Variants in ABR observed in about 807,000 individuals in gnomAD.
The protein encoded by ABR is active breakpoint cluster region-related protein.
Under a neutral mutation model 107.2 loss-of-function variants are expected in ABR, and 35 were observed. The observed-to-expected ratio is 0.33, with a 90% CI of 0.25 to 0.43. The LOEUF (loss-of-function observed/expected upper bound fraction) is 0.43. Among genes scored for constraint, ABR ranks in the 20% least tolerant of loss-of-function variants. The pLI, the probability that ABR is intolerant of heterozygous loss-of-function variation, is 1.00. For synonymous variants in ABR, 498 were observed against 462.0 expected, an observed-to-expected ratio of 1.08 and a Z score of -1.00; for missense variants, 815 against 1,115.2, an observed-to-expected ratio of 0.73 and a Z score of 3.83.
intron 5 of ABR, 110 bp downstream of exon 5, chr17:1,083,410 A>C: frequency 1.5e-6 from 1 of 687,004 alleles, no homozygotes; most frequent in Non-Finnish European, 2.5e-6. Context: ...AGTGTTACCC[A>C]TTAGAGTAAC....
intron 9 of ABR, 130 bp from the exon 10 acceptor site, chr17:1,067,372 T>C: frequency 3.4e-6 from 3 of 876,112 alleles, no homozygotes; most frequent in African/African-American, 1.7e-5. Context: ...GAACGATCCC[T>C]GCTCCTGAGG....
At chr17:1,229,710 C>T (rs1054971282) in exon 1 of ABR, among the ~76,000 whole-genome samples, 5 of 152,084 alleles carry the variant, frequency 3.3e-5, no homozygotes, top group Non-Finnish European at 5.9e-5. Flanking sequence ...CCCTTCCGCC[C>T]TCGCGCCTCC....
At chr17:1,137,789 G>T (rs2040140039) in intron 1 of ABR, among the ~76,000 whole-genome samples, 1 of 151,958 alleles carries the variant, frequency 6.6e-6, no homozygotes, top group Non-Finnish European at 1.5e-5. Flanking sequence ...GTGCCGTAAA[G>T]CAAGGTACGC....
chr17:1,113,277 G>GTT (rs1416563541), intron 2 of ABR, among the ~76,000 whole-genome samples: 3 of 88,206 alleles, frequency 3.4e-5, no homozygotes, highest in African/African-American at 1.0e-4. Flanking sequence ...CACCTATTGC[G>GTT]ATTTTTTTTT....
At chr17:1,178,035 G>A (rs1167648806) in intron 1 of ABR, 1 of 152,394 alleles carries the variant, frequency 6.6e-6, no homozygotes, top group Non-Finnish European at 1.5e-5. Flanking sequence ...AACCAAAGCA[G>A]AATGAACCAT....
intron 1 of ABR, among the ~76,000 whole-genome samples, chr17:1,225,137 A>C (rs1266317322): frequency 7.0e-6 from 1 of 142,196 alleles, no homozygotes; most frequent in African/African-American, 2.7e-5. Context: ...CAACACCGTG[A>C]GACTCCATCT....
At chr17:1,215,251 C>A (rs1409479289) in intron 1 of ABR, among the ~76,000 whole-genome samples, 1 of 151,764 alleles carries the variant, frequency 6.6e-6, no homozygotes, top group Non-Finnish European at 1.5e-5. Flanking sequence ...AAGAGCTCTC[C>A]CTCTCCCTCT....
At chr17:1,061,731 G>C (rs1451947873) in intron 10 of ABR, among the ~76,000 whole-genome samples, 3 of 152,018 alleles carry the variant, frequency 2.0e-5, no homozygotes, top group Non-Finnish European at 2.9e-5. Flanking sequence ...ATTTTTCATA[G>C]AGACGGGGCT....
intron 16 of ABR, among the ~76,000 whole-genome samples, chr17:1,019,433 C>T (rs1255230137): frequency 6.6e-6 from 1 of 152,190 alleles, no homozygotes; most frequent in African/African-American, 2.4e-5. Flanking sequence ...CAAGCCCTGA[C>T]ATCTTCCTGG....
chr17:1,225,409 T>G (rs2043195746), intron 1 of ABR, among the ~76,000 whole-genome samples: 1 of 152,014 alleles, frequency 6.6e-6, no homozygotes, highest in African/African-American at 2.4e-5. Context: ...TCCTAGCACT[T>G]TGGGAGGCCG....
chr17:1,079,930 C>T (rs138078799), intron 5 of ABR, among the ~76,000 whole-genome samples: 38 of 151,020 alleles, frequency 2.5e-4, no homozygotes, highest in East Asian at 3.9e-4. Flanking sequence ...GTGGCTGGGG[C>T]GTGGGCAAGA....
intron 3 of ABR, among the ~76,000 whole-genome samples, chr17:1,099,440 C>T (rs1365517831): frequency 6.6e-6 from 1 of 152,224 alleles, no homozygotes; most frequent in Non-Finnish European, 1.5e-5. Context: ...GGGACACTGA[C>T]AGCATCTCAG....
At chr17:1,098,769 C>T (rs1056678876) in intron 3 of ABR, among the ~76,000 whole-genome samples, 2 of 152,152 alleles carry the variant, frequency 1.3e-5, no homozygotes, top group Non-Finnish European at 2.9e-5. Context: ...AGAGATGGGA[C>T]GTACTCAGCC....
At chr17:1,018,333 C>T (rs570186328) in intron 16 of ABR, among the ~76,000 whole-genome samples, 7 of 152,344 alleles carry the variant, frequency 4.6e-5, no homozygotes, top group East Asian at 3.9e-4. Flanking sequence ...TGAGCCACCA[C>T]GCCTGGCCCG....
Position 1,016,348 on chromosome 17 carries a change from G to A in ABR, c.1792-3184C>T, listed in dbSNP as rs929124276. On this transcript the variant is annotated intron_variant, in intron 16 of 22. Transcript: ENST00000302538. ...TTTTTTTTTTTTGAGACGGAGTCTC[G>A]CTCTGTCGCCCAGGCTGGAGTGCAG... Among the ~76,000 whole-genome samples, 8 of 142,186 alleles carry A rather than the reference G, an allele frequency of 5.6e-5. No individual in the cohort carries two copies. In the East Asian group the frequency reaches 8.3e-4, roughly 15 times the overall value. 93.3% of individuals were successfully genotyped at this position (142,186 alleles called of 152,430 possible). A position where few individuals can be genotyped will look rare whatever the true frequency, so the allele number is the denominator to read the frequency against.
intron 16 of ABR, among the ~76,000 whole-genome samples, chr17:1,030,025 A>G (rs1404557135): frequency 7.1e-6 from 1 of 141,694 alleles, no homozygotes; most frequent in Non-Finnish European, 1.6e-5. Flanking sequence ...GGCCGGGGCC[A>G]CCCTGAGCTG....
At chr17:1,014,321 G>A (rs1190332136) in intron 16 of ABR, among the ~76,000 whole-genome samples, 2 of 132,562 alleles carry the variant, frequency 1.5e-5, no homozygotes, top group African/African-American at 2.9e-5. Context: ...GGCGCCTGTA[G>A]TCCCAGCTAC....
At chr17:1,057,784 T>C (rs891405792) in intron 12 of ABR, 186 bp downstream of exon 12, 4 of 577,324 alleles carry the variant, frequency 6.9e-6, no homozygotes, top group African/African-American at 5.7e-5. Flanking sequence ...ATCATGTCTT[T>C]CAGCCAATCA....
In ABR at chr17:1,140,576, T is replaced by C. The variant is rs183080094; in HGVS notation, c.62-15209A>G. Among the ~76,000 whole-genome samples the C allele has an allele frequency of 3.3e-4, 50 of 152,248 alleles. 1 individual carries two copies. Among genetic ancestry groups the C allele is most frequent in the Admixed American group, 2.5e-3 (38 of 15,294 alleles). On this transcript the variant is annotated intron_variant, in intron 1 of 22. Coordinates refer to ENST00000302538, the MANE Select transcript of ABR (RefSeq NM_021962.5). ...AAGGACACTGTCTTCTACTGCACTT[T>C]ATTTTATTGATTTATTTATTTTTGG...
Sources: allele counts gnomAD v4.1 joint callset (sites outside exome capture counted in the v4.1 genomes callset), GRCh38; gene constraint gnomAD v4.1.1; transcripts MANE v1.5; gene names NCBI Gene and HGNC (gene_info 2026-07-23, HGNC 2026-07-21).